BRD4: variants seen among roughly 807,000 people sequenced by gnomAD.
BRD4 encodes the protein bromodomain-containing protein 4.
Under a neutral mutation model 142.1 loss-of-function variants are expected in BRD4, and 16 were observed. The observed-to-expected ratio is 0.11, with a 90% CI of 0.08 to 0.17. The LOEUF (loss-of-function observed/expected upper bound fraction) is 0.17. Ranked by LOEUF, BRD4 falls within the 10% of genes least tolerant of loss-of-function variation. BRD4 has a pLI of 1.00. For missense variants in BRD4, 1,424 were observed against 1,810.9 expected, an observed-to-expected ratio of 0.79 and a Z score of 3.88; for synonymous variants, 833 against 707.5, an observed-to-expected ratio of 1.18 and a Z score of -2.82.
chr19:15,244,945 T>G (rs930327228), intron 11 of BRD4, 183 bp from the exon 12 acceptor site: 2 of 1,080,708 alleles, frequency 1.9e-6, no homozygotes, highest in Non-Finnish European at 2.6e-6. Flanking sequence ...ATGCGAGGCA[T>G]CACCTACCCA....
intron 1 of BRD4, among the ~76,000 whole-genome samples, chr19:15,323,634 C>T (rs558426684): frequency 6.6e-6 from 1 of 152,190 alleles, no homozygotes; most frequent in Non-Finnish European, 1.5e-5. Context: ...CACAAGGACA[C>T]GAGAATTACT....
intron 1 of BRD4, among the ~76,000 whole-genome samples, chr19:15,289,886 G>A (rs2047768800): frequency 6.6e-6 from 1 of 152,200 alleles, no homozygotes; most frequent in Non-Finnish European, 1.5e-5. Flanking sequence ...GGAAAACGGG[G>A]CCACTTCACA....
chr19:15,264,870 T>TCA, intron 5 of BRD4, 104 bp from the exon 6 acceptor site: 1 of 1,489,878 alleles, frequency 6.7e-7, no homozygotes, highest in African/African-American at 1.4e-5. Flanking sequence ...GGCCCATCGC[T>TCA]CACACAGAAT....
At chr19:15,326,269 TG>T (rs1404217187) in intron 1 of BRD4, among the ~76,000 whole-genome samples, 1 of 150,688 alleles carries the variant, frequency 6.6e-6, no homozygotes, top group Non-Finnish European at 1.5e-5. Flanking sequence ...TCAAGACCAG[TG>T]GGGACAACAT....
At chr19:15,306,848 A>G (rs889801356) in intron 1 of BRD4, among the ~76,000 whole-genome samples, 3 of 152,206 alleles carry the variant, frequency 2.0e-5, no homozygotes, top group Admixed American at 6.5e-5. Flanking sequence ...ATCACGAATC[A>G]TAACAGATAT....
chr19:15,283,602 A>C (rs2047720534), intron 1 of BRD4, among the ~76,000 whole-genome samples: 2 of 152,194 alleles, frequency 1.3e-5, no homozygotes, highest in Non-Finnish European at 2.9e-5. Context: ...AAATGTTCCA[A>C]AACACACCAG....
At chr19:15,282,113 G>C (rs2047709409) in intron 1 of BRD4, among the ~76,000 whole-genome samples, 1 of 152,210 alleles carries the variant, frequency 6.6e-6, no homozygotes, top group Non-Finnish European at 1.5e-5. Flanking sequence ...AAGGGCCAGA[G>C]AGCAAATATT....
intron 1 of BRD4, among the ~76,000 whole-genome samples, chr19:15,309,175 T>A (rs1303800062): frequency 4.0e-5 from 6 of 150,992 alleles, no homozygotes; most frequent in Non-Finnish European, 8.8e-5. Flanking sequence ...CTACTAAAAA[T>A]ACAAAAAATT....
intron 1 of BRD4, among the ~76,000 whole-genome samples, chr19:15,316,246 G>A (rs1599523454): frequency 6.6e-6 from 1 of 151,352 alleles, no homozygotes; most frequent in East Asian, 1.9e-4. Context: ...ACAAGCCTGG[G>A]GCACCTGGAC....
chr19:15,265,745 G>C, intron 4 of BRD4, 102 bp from the exon 5 acceptor site: 2 of 1,275,870 alleles, frequency 1.6e-6, no homozygotes, highest in Non-Finnish European at 2.3e-6. Flanking sequence ...GCACATTCGC[G>C]TGTTGCATTT....
Position 15,265,424 on chromosome 19 carries a change from G to C in BRD4, c.779C>G (p.Pro260Arg), listed in dbSNP as rs1374119420. 4.5e-6 allele frequency: 7 copies of C among 1,563,000 alleles called. No homozygotes were observed. Among genetic ancestry groups the C allele is most frequent in the Non-Finnish European group, 4.3e-6 (5 of 1,154,194 alleles). The stretch of plus-strand genomic sequence containing the variant: ...TACGGGCTGGGGAGCTGGAGCGGGT[G>C]GGGGTTGTGGCTGGGGGGGCACTGG... ...PPPVPPQPQP[P>R]PAPAPQPVQS... Residue 260 changes from proline to arginine, a missense_variant, in exon 5 of 20, where the codon CCA becomes CGA. By Grantham distance (103) the Pro-to-Arg change is moderately radical (BLOSUM62 -2). Around this residue, in one of 16 missense-constraint regions of BRD4, gnomAD observed 140 missense variants for 131.7 expected, o/e 1.06. Transcript: ENST00000679869.
intron 1 of BRD4, among the ~76,000 whole-genome samples, chr19:15,326,252 G>A (rs1202893935): frequency 6.6e-6 from 1 of 150,668 alleles, no homozygotes; most frequent in African/African-American, 2.4e-5. Flanking sequence ...CACTTGAGGC[G>A]AGAGGTTCAA....
chr19:15,299,651 G>A (rs1290060995), intron 1 of BRD4, among the ~76,000 whole-genome samples: 1 of 152,220 alleles, frequency 6.6e-6, no homozygotes, highest in Non-Finnish European at 1.5e-5. Context: ...CACATTTACA[G>A]GGACATGTTT....
At position 15,239,902 on chromosome 19, in the gene BRD4, C is replaced by A. The variant is rs369685357; in HGVS notation, c.3282+8G>T. Reference sequence around the variant, plus strand: ...CCCACAGGACTATGGCCCAGCCCTGCCAGTTACCTGTTTCTTAGGCTGGAC... The same window carrying A: ...CCCACAGGACTATGGCCCAGCCCTGACAGTTACCTGTTTCTTAGGCTGGAC... On this transcript the variant is annotated splice_region_variant and intron_variant, in intron 15 of 19. Transcript: ENST00000679869. The surrounding 1 kb of genome is among the most constrained non-coding windows in gnomAD (Gnocchi z 7.4). 6.2e-7 allele frequency: 1 copy of A among 1,614,076 alleles called. No individual in the cohort carries two copies.
In BRD4 at chr19:15,313,706, G is replaced by C. The variant is rs529696810; in HGVS notation, c.-35+18584C>G. Among the ~76,000 whole-genome samples, 76 of 152,236 alleles carry C rather than the reference G, an allele frequency of 5.0e-4. 1 individual carries two copies. In the South Asian group the frequency reaches 0.016, roughly 31 times the overall value. ...AAGTGTGAATGTAATGATTTAGTAAGAACTGTTTAATGTATTAATATTTAT... is the reference window on the plus strand; with the variant it reads ...AAGTGTGAATGTAATGATTTAGTAACAACTGTTTAATGTATTAATATTTAT... On this transcript the variant is annotated intron_variant, in intron 1 of 19. Transcript: ENST00000679869.
At chr19:15,263,218 G>A (rs1215949272) in intron 7 of BRD4, among the ~76,000 whole-genome samples, 1 of 152,188 alleles carries the variant, frequency 6.6e-6, no homozygotes, top group Non-Finnish European at 1.5e-5. Context: ...GGCTTGCAGT[G>A]GAACACCCAC....
chr19:15,252,652 GGA>G (rs2145557810), intron 11 of BRD4, among the ~76,000 whole-genome samples: 1 of 152,356 alleles, frequency 6.6e-6, no homozygotes, highest in South Asian at 2.1e-4. Context: ...AGCAGTGTGG[GGA>G]GAGTAACGGT....
intron 11 of BRD4, among the ~76,000 whole-genome samples, chr19:15,251,013 G>A (rs1429238774): frequency 6.6e-6 from 1 of 152,178 alleles, no homozygotes; most frequent in Admixed American, 6.5e-5. Context: ...TGGAATCACA[G>A]CTCAATGGAA....
At chr19:15,253,533 G>C in intron 11 of BRD4, 1 of 1,526,142 alleles carries the variant, frequency 6.6e-7, no homozygotes, top group South Asian at 1.2e-5. Flanking sequence ...CGCAAGTCCA[G>C]GTGCGTGTGG....
Sources: allele counts gnomAD v4.1 joint callset (sites outside exome capture counted in the v4.1 genomes callset), GRCh38; gene constraint gnomAD v4.1.1; regional missense constraint gnomAD v4.1.1; non-coding constraint Gnocchi (gnomAD v3.1); transcripts MANE v1.5; gene names NCBI Gene and HGNC (gene_info 2026-07-23, HGNC 2026-07-21).